Variants in VPS37A observed in about 807,000 individuals in gnomAD.
VPS37A encodes the protein VPS37A subunit of ESCRT-I, also known as vacuolar protein sorting-associated protein 37A.
A neutral mutation model predicts 49.8 loss-of-function variants in VPS37A; 30 were observed. The observed-to-expected ratio is 0.60, with a 90% CI of 0.45 to 0.82. The LOEUF (loss-of-function observed/expected upper bound fraction) is 0.82. Among genes scored for constraint, VPS37A ranks in the 40% least tolerant of loss-of-function variants. The pLI is 0.00. For synonymous variants in VPS37A, 195 were observed against 160.6 expected (o/e 1.21, Z -1.62); for missense variants, 593 against 464.4 (o/e 1.28, Z -2.55).
the VPS37A span, chr8:17,326,534 C>T: frequency 1.3e-5 from 2 of 152,146 alleles, no homozygotes; most frequent in Non-Finnish European, 2.9e-5. Context: ...ATAAAAAGTG[C>T]TAGGTTAAAA....
intron 1 of VPS37A, among the ~76,000 whole-genome samples, chr8:17,251,469 C>T (rs1195002677): frequency 1.3e-5 from 2 of 152,128 alleles, no homozygotes; most frequent in Non-Finnish European, 2.9e-5. Context: ...AATTACATTC[C>T]TTCTTTCTAC....
the VPS37A span, among the ~76,000 whole-genome samples, chr8:17,333,087 A>G: frequency 2.0e-5 from 3 of 152,116 alleles, no homozygotes; most frequent in African/African-American, 7.2e-5. Flanking sequence ...GCTGGCAGAC[A>G]CCTCACATTT....
downstream of VPS37A, chr8:17,300,189 G>C: frequency 6.2e-7 from 1 of 1,613,246 alleles, no homozygotes; most frequent in Non-Finnish European, 8.5e-7. Context: ...TCACCTTAGT[G>C]CAATTTAACT....
chr8:17,333,008 A>C, the VPS37A span, among the ~76,000 whole-genome samples: 143 of 152,276 alleles, frequency 9.4e-4, no homozygotes, highest in South Asian at 5.0e-3. Context: ...TGTAATTGAA[A>C]TAATAGAAAT....
chr8:17,258,529 G>A (rs1295811024), intron 1 of VPS37A, among the ~76,000 whole-genome samples: 6 of 152,090 alleles, frequency 3.9e-5, no homozygotes, highest in South Asian at 4.2e-4. Flanking sequence ...ATGTTTTGTC[G>A]AATTTGGTTT....
At chr8:17,320,415 G>A in the VPS37A span, among the ~76,000 whole-genome samples, 1 of 151,588 alleles carries the variant, frequency 6.6e-6, no homozygotes, top group Non-Finnish European at 1.5e-5. Context: ...GTTTTTTTTT[G>A]TAAGGTGGCA....
chr8:17,315,952 G>A, the VPS37A span, among the ~76,000 whole-genome samples: 6 of 152,196 alleles, frequency 3.9e-5, no homozygotes, highest in South Asian at 4.1e-4. Flanking sequence ...GTTTGAGGCT[G>A]CAGTGAGCTA....
intron 9 of VPS37A, among the ~76,000 whole-genome samples, chr8:17,281,474 C>G (rs1230894325): frequency 1.3e-5 from 2 of 151,894 alleles, no homozygotes; most frequent in African/African-American, 2.4e-5. Context: ...TTTATACAAA[C>G]TCTTAGTAAA....
In VPS37A at chr8:17,247,379, C is replaced by A. The variant is rs1157687625; in HGVS notation, c.125+10C>A. ...GGAACTCACACTCCAGGTGACTGGT[C>A]GCTGCCTCTCCACCGGAGGAAAAAG... On this transcript the variant is annotated intron_variant, in intron 1 of 11. Transcript: ENST00000324849. 4 of 1,367,178 alleles carry A rather than the reference C, an allele frequency of 2.9e-6. No homozygotes were observed. Among genetic ancestry groups the A allele is most frequent in the African/African-American group, 3.0e-5 (2 of 66,028 alleles). 84.7% of individuals were successfully genotyped at this position (1,367,178 alleles called of 1,614,324 possible).
At chr8:17,292,851 T>G (rs1286358657) in intron 11 of VPS37A, among the ~76,000 whole-genome samples, 1 of 152,238 alleles carries the variant, frequency 6.6e-6, no homozygotes, top group African/African-American at 2.4e-5. Flanking sequence ...CTTCCCTTTG[T>G]GGGTAACCCA....
At chr8:17,311,569 A>T in the VPS37A span, 2 of 1,614,126 alleles carry the variant, frequency 1.2e-6, no homozygotes, top group Non-Finnish European at 1.7e-6. Flanking sequence ...CACCGAGCAC[A>T]CCTGAGCGGT....
chr8:17,285,847 G>T (rs1237508324), intron 10 of VPS37A, among the ~76,000 whole-genome samples: 2 of 152,118 alleles, frequency 1.3e-5, no homozygotes, highest in Non-Finnish European at 2.9e-5. Flanking sequence ...TTGATATAAA[G>T]GATCAGTGTT....
downstream of VPS37A, among the ~76,000 whole-genome samples, chr8:17,303,732 C>T (rs2150465927): frequency 6.6e-6 from 1 of 152,116 alleles, no homozygotes; most frequent in East Asian, 1.9e-4. Flanking sequence ...GTCTCAGCCT[C>T]CCGAGTAGCT....
chr8:17,302,472 T>G (rs979492119), downstream of VPS37A: 69 of 527,952 alleles, frequency 1.3e-4, no homozygotes, highest in Non-Finnish European at 1.9e-4. Flanking sequence ...TAAATGCCTT[T>G]TGGGGAGAAT....
intron 11 of VPS37A, among the ~76,000 whole-genome samples, chr8:17,289,640 T>C (rs1815953269): frequency 6.6e-6 from 1 of 152,178 alleles, no homozygotes; most frequent in African/African-American, 2.4e-5. Flanking sequence ...GCATGATGCC[T>C]GCCGCCAGCT....
chr8:17,256,015 C>G (rs1321234428), intron 1 of VPS37A, among the ~76,000 whole-genome samples: 6 of 151,412 alleles, frequency 4.0e-5, no homozygotes, highest in Admixed American at 2.0e-4. Context: ...GCAGCTATCT[C>G]TTTGATTTTT....
At chr8:17,247,446 C>A in intron 1 of VPS37A, 77 bp downstream of exon 1, 2 of 1,505,556 alleles carry the variant, frequency 1.3e-6, no homozygotes, top group Non-Finnish European at 1.8e-6. Flanking sequence ...CCTCACAGCG[C>A]CTCAGTCTGC....
rs1043961401 is a variant in VPS37A, at chr8:17,279,846, C to A, written c.714-182C>A. The stretch of plus-strand genomic sequence containing the variant: ...TGTCAAGAATATATTACAGACTGCT[C>A]TATGTTCCATTGTGGTTGATGTTTT... On this transcript the variant is annotated intron_variant, in intron 6 of 11. Coordinates refer to ENST00000324849, the MANE Select transcript of VPS37A (RefSeq NM_152415.3). 4.8e-5 allele frequency: 35 copies of A among 729,162 alleles called. No individual in the cohort carries two copies. The African/African-American group carries it at 5.9e-4, about 12-fold the overall frequency. The allele number at this position is 729,162 out of a possible 1,614,324, so 45.2% of individuals were successfully genotyped here.
chr8:17,269,564 C>G (rs914076653), intron 4 of VPS37A, among the ~76,000 whole-genome samples: 9 of 152,018 alleles, frequency 5.9e-5, no homozygotes, highest in African/African-American at 2.2e-4. Flanking sequence ...TTTTTCATAT[C>G]AAACCAGTAA....
Sources: allele counts gnomAD v4.1 joint callset (sites outside exome capture counted in the v4.1 genomes callset), GRCh38; gene constraint gnomAD v4.1.1; transcripts MANE v1.5; gene names NCBI Gene and HGNC (gene_info 2026-07-23, HGNC 2026-07-21).